The following LGR4 variants were observed in gnomAD, a reference collection of about 807,000 sequenced individuals.
The protein encoded by LGR4 is leucine-rich repeat-containing G protein-coupled receptor 4.
LGR4 carries 44 observed loss-of-function variants against 84.8 expected under a neutral mutation model. That is an observed-to-expected ratio of 0.52 (90% CI 0.41 to 0.67). The LOEUF is 0.67. Ranked by LOEUF, LGR4 falls within the 30% of genes least tolerant of loss-of-function variation. The probability of loss-of-function intolerance (pLI) is 0.00; values close to 1 mark genes in which losing one functional copy is unlikely to be tolerated. For missense variants in LGR4, 1,032 were observed against 1,131.4 expected, an observed-to-expected ratio of 0.91 and a Z score of 1.26; for synonymous variants, 429 against 434.3, an observed-to-expected ratio of 0.99 and a Z score of 0.15.
chr11:27,376,848 T>C (rs1862993328), intron 12 of LGR4, among the ~76,000 whole-genome samples: 2 of 152,194 alleles, frequency 1.3e-5, no homozygotes, highest in South Asian at 2.1e-4. Context: ...ACACAGGACA[T>C]GATGGGAACT....
At chr11:27,413,806 G>A (rs941460196) in intron 1 of LGR4, among the ~76,000 whole-genome samples, 3 of 152,100 alleles carry the variant, frequency 2.0e-5, no homozygotes, top group Admixed American at 2.0e-4. Context: ...GAAGCATACC[G>A]AAGTCAGCTT....
chr11:27,419,911 G>GT (rs1200396771), intron 1 of LGR4, among the ~76,000 whole-genome samples: 1 of 152,028 alleles, frequency 6.6e-6, no homozygotes, highest in Non-Finnish European at 1.5e-5. Flanking sequence ...TTGATCAGTG[G>GT]TGGCAACAGT....
intron 2 of LGR4, among the ~76,000 whole-genome samples, chr11:27,409,093 A>G (rs1863663587): frequency 6.6e-6 from 1 of 152,172 alleles, no homozygotes; most frequent in South Asian, 2.1e-4. Context: ...AGGAGGAAAA[A>G]AAGTAGGTTA....
chr11:27,383,023 A>AC lies in LGR4; in HGVS notation c.690-768_690-767insG, dbSNP rs1267857726. On this transcript the variant is annotated intron_variant, in intron 6 of 17. Coordinates refer to ENST00000379214, the MANE Select transcript of LGR4 (RefSeq NM_018490.5). ...AAAGCGAGACTCTGTCTCAAAAAAA[A>AC]TAAAAAATAAAAAAATAAAAAATAA... Among the ~76,000 whole-genome samples the AC allele has an allele frequency of 7.2e-5, 11 of 152,266 alleles. No homozygotes were observed. The East Asian group carries it at 2.1e-3, about 29-fold the overall frequency.
intron 1 of LGR4, among the ~76,000 whole-genome samples, chr11:27,470,077 A>C (rs1046647765): frequency 6.6e-6 from 1 of 152,188 alleles, no homozygotes; most frequent in East Asian, 1.9e-4. Context: ...ATGTACGATC[A>C]CTCTACCTAC....
chr11:27,385,122 A>G (rs1863161676), intron 5 of LGR4, 131 bp downstream of exon 5: 1 of 619,864 alleles, frequency 1.6e-6, no homozygotes, highest in Non-Finnish European at 2.8e-6. Flanking sequence ...ATTGTACAAA[A>G]GCAGCTCCCA....
chr11:27,419,147 G>A (rs1863876876), intron 1 of LGR4, among the ~76,000 whole-genome samples: 1 of 152,096 alleles, frequency 6.6e-6, no homozygotes, highest in South Asian at 2.1e-4. Flanking sequence ...ACACAAAAAA[G>A]ATTGGGAAGA....
rs750754672 is a variant in LGR4 at position 27,372,299 on chromosome 11, A to G, written c.1479T>C (p.Ser493=). The part of the protein sequence containing the change: ...NTEDNSLQDH[S]VAQEKGTADA... ...TGCACTTGCCTTTCTCCTGTGCCAC[A>G]CTGTGGTCCTGGAGGCTGTTATCTT... Residue 493 remains serine, a synonymous_variant, in exon 16 of 18, where the codon AGT becomes AGC. Transcript: ENST00000379214. The G allele has an allele frequency of 6.2e-7, 1 of 1,609,752 alleles. No individual in the cohort carries two copies. Among genetic ancestry groups the G allele is most frequent in the African/African-American group, 1.3e-5 (1 of 74,872 alleles).
At chr11:27,387,269 T>C (rs1863203547) in intron 4 of LGR4, among the ~76,000 whole-genome samples, 1 of 152,124 alleles carries the variant, frequency 6.6e-6, no homozygotes. Context: ...CTCAAGAGAC[T>C]GACATTCCAG....
At chr11:27,423,048 T>C (rs1863951839) in intron 1 of LGR4, among the ~76,000 whole-genome samples, 1 of 151,904 alleles carries the variant, frequency 6.6e-6, no homozygotes, top group Admixed American at 6.6e-5. Flanking sequence ...CATAACCTGA[T>C]AAAACCATCC....
intron 1 of LGR4, among the ~76,000 whole-genome samples, chr11:27,439,837 C>A (rs1864272910): frequency 6.6e-6 from 1 of 151,846 alleles, no homozygotes; most frequent in Non-Finnish European, 1.5e-5. Flanking sequence ...CTTAAAGACA[C>A]CCTAGGGAGT....
rs1863168169 is a variant in LGR4 at position 27,385,382 on chromosome 11, T to G, written c.488A>C (p.Asn163Thr). ...GTGCACAGGCACCTCCGTCAAGCTGTTGTCATCCAGCCACAGATGCCGTAA... is the reference window on the plus strand; with the variant it reads ...GTGCACAGGCACCTCCGTCAAGCTGGTGTCATCCAGCCACAGATGCCGTAA... ...VQLRHLWLDD[N>T]SLTEVPVHPL... The change falls in exon 5 of 18, where the codon AAC (asparagine) becomes ACC (threonine). Residue 163 changes from asparagine (N) to threonine (T), a missense_variant. Asn to Thr is a moderately conservative substitution (Grantham distance 65). Coordinates refer to ENST00000379214, the MANE Select transcript of LGR4 (RefSeq NM_018490.5). The G allele has an allele frequency of 6.2e-7, 1 of 1,612,714 alleles. No homozygotes were observed. The highest frequency in any genetic ancestry group is 1.3e-5 in the African/African-American group (1 of 75,042).
intron 2 of LGR4, among the ~76,000 whole-genome samples, chr11:27,393,356 G>A (rs980665013): frequency 6.6e-5 from 10 of 152,046 alleles, no homozygotes; most frequent in African/African-American, 2.2e-4. Flanking sequence ...ATGATTGTGT[G>A]TTCATATGAT....
At chr11:27,410,008 C>T (rs1435887086) in intron 2 of LGR4, among the ~76,000 whole-genome samples, 3 of 152,190 alleles carry the variant, frequency 2.0e-5, no homozygotes, top group African/African-American at 7.2e-5. Context: ...AAATGATCCA[C>T]ATCTGCACTG....
intron 3 of LGR4, 114 bp from the exon 4 acceptor site, chr11:27,391,279 G>A (rs878948531): frequency 5.5e-5 from 32 of 585,362 alleles, no homozygotes; most frequent in African/African-American, 4.4e-4. Flanking sequence ...GGGAAAATGG[G>A]GGGGAGGTGG....
At chr11:27,399,824 C>A (rs1863464919) in intron 2 of LGR4, among the ~76,000 whole-genome samples, 1 of 152,088 alleles carries the variant, frequency 6.6e-6, no homozygotes, top group Non-Finnish European at 1.5e-5. Context: ...CGGCTGGCAA[C>A]TGTTTTAAAA....
rs947153488 is a variant in LGR4, at chr11:27,437,213, A to G, written c.186-24353T>C. Among the ~76,000 whole-genome samples the G allele has an allele frequency of 5.3e-5, 8 of 152,112 alleles. No individual in the cohort carries two copies. The East Asian group carries it at 1.5e-3, about 29-fold the overall frequency. ...CATGTAAGTTAGTCCAAATATACAC[A>G]CACTTGTTTATATTTTAAAACTTAT... On this transcript the variant is annotated intron_variant, in intron 1 of 17. Coordinates refer to ENST00000379214, the MANE Select transcript of LGR4 (RefSeq NM_018490.5).
intron 4 of LGR4, among the ~76,000 whole-genome samples, chr11:27,390,871 G>A (rs1863271607): frequency 6.6e-6 from 1 of 152,120 alleles, no homozygotes; most frequent in Non-Finnish European, 1.5e-5. Flanking sequence ...ACCCAGCAGT[G>A]AATACCCAGT....
chr11:27,452,244 TG>T (rs2133444886), intron 1 of LGR4, among the ~76,000 whole-genome samples: 1 of 152,314 alleles, frequency 6.6e-6, no homozygotes, highest in East Asian at 1.9e-4. Flanking sequence ...CTGGTATGTT[TG>T]TTGTTGTTAT....
Sources: gnomAD v4.1 joint callset for allele counts (sites outside exome capture counted in the v4.1 genomes callset) on GRCh38, gnomAD v4.1.1 for gene constraint, MANE v1.5 for transcripts, NCBI Gene and HGNC (gene_info 2026-07-23, HGNC 2026-07-21) for gene names.